MKLN1: variants seen among roughly 807,000 people sequenced by gnomAD.
The protein encoded by MKLN1 is muskelin.
MKLN1 carries 18 observed loss-of-function variants against 99.0 expected under a neutral mutation model. The ratio of observed to expected loss-of-function variants is 0.18; its 90% CI spans 0.13 to 0.27. The LOEUF is 0.27. Ranked by LOEUF, MKLN1 falls within the 10% of genes least tolerant of loss-of-function variation. The pLI, the probability that MKLN1 is intolerant of heterozygous loss-of-function variation, is 1.00. For synonymous variants in MKLN1, 288 were observed against 293.2 expected, an observed-to-expected ratio of 0.98 and a Z score of 0.18; for missense variants, 621 against 875.9, an observed-to-expected ratio of 0.71 and a Z score of 3.67.
chr7:131,356,013 T>C (rs1799866726), intron 1 of MKLN1, among the ~76,000 whole-genome samples: 1 of 151,868 alleles, frequency 6.6e-6, no homozygotes, highest in Non-Finnish European at 1.5e-5. Flanking sequence ...TACTAAAATA[T>C]CGAGCATGTA....
intron 1 of MKLN1, among the ~76,000 whole-genome samples, chr7:131,359,273 T>A (rs546086065): frequency 6.6e-6 from 1 of 152,362 alleles, no homozygotes; most frequent in East Asian, 1.9e-4. Context: ...GACCCATGTA[T>A]CATTTGGAAG....
Position 131,487,563 on chromosome 7 carries a change from A to G in MKLN1, c.2087-44A>G. ...TGGTCTCAACTAGTTTTTCTGTTAC[A>G]TGTTTTAAACACAATGGATGTTTCT... On this transcript the variant is annotated intron_variant, in intron 17 of 17. Transcript: ENST00000352689. The surrounding 1 kb of genome is among the most constrained non-coding windows in gnomAD (Gnocchi z 4.7). 1.9e-6 allele frequency: 3 copies of G among 1,585,232 alleles called. No individual in the cohort carries two copies. In the African/African-American group the frequency reaches 4.1e-5, roughly 22 times the overall value.
chr7:131,111,064 C>G (rs1795189318), intron 1 of MKLN1, among the ~76,000 whole-genome samples: 1 of 152,040 alleles, frequency 6.6e-6, no homozygotes, highest in African/African-American at 2.4e-5. Flanking sequence ...CTCCAGACAA[C>G]TTTTTAATTA....
intron 3 of MKLN1, among the ~76,000 whole-genome samples, chr7:131,285,870 T>C (rs920113552): frequency 6.6e-6 from 1 of 152,204 alleles, no homozygotes; most frequent in Non-Finnish European, 1.5e-5. Flanking sequence ...ATTTTGCTCT[T>C]ATAAAAACCA....
chr7:131,416,673 T>G (rs1795025364), intron 8 of MKLN1, among the ~76,000 whole-genome samples: 1 of 152,016 alleles, frequency 6.6e-6, no homozygotes, highest in African/African-American at 2.4e-5. Context: ...TCCTTACCCC[T>G]ACTCCCTTTA....
chr7:131,215,668 T>C (rs1796969939), intron 3 of MKLN1, among the ~76,000 whole-genome samples: 1 of 152,210 alleles, frequency 6.6e-6, no homozygotes, highest in African/African-American at 2.4e-5. Flanking sequence ...TTTCAGATAG[T>C]CTGTATGATA....
chr7:131,439,865 AACACACACACACACACACACAC>A (rs57399724), intron 10 of MKLN1, among the ~76,000 whole-genome samples: 2,821 of 146,288 alleles, frequency 0.019, 78 homozygotes, highest in African/African-American at 0.063. Flanking sequence ...AAAAGATTTA[AACACACACACACACACACACAC>A]ACACACACAC....
chr7:131,217,555 AG>A (rs1797001391), intron 3 of MKLN1, among the ~76,000 whole-genome samples: 1 of 152,030 alleles, frequency 6.6e-6, no homozygotes, highest in Non-Finnish European at 1.5e-5. Flanking sequence ...AAAATTAACC[AG>A]GTGTGGTTGT....
At chr7:131,425,031 C>T (rs888676521) in intron 8 of MKLN1, among the ~76,000 whole-genome samples, 6 of 152,190 alleles carry the variant, frequency 3.9e-5, no homozygotes, top group African/African-American at 7.2e-5. Context: ...ATTTATTCAT[C>T]ACACAGTTTA....
At chr7:131,380,354 C>T (rs1793807210) in intron 2 of MKLN1, among the ~76,000 whole-genome samples, 1 of 151,910 alleles carries the variant, frequency 6.6e-6, no homozygotes, top group Non-Finnish European at 1.5e-5. Flanking sequence ...AATAAGTGCC[C>T]TTGCTATGTG....
In MKLN1 at chr7:131,495,950, T is replaced by C. The variant is rs1026939670; in HGVS notation, c.*8222T>C. 2 of 152,168 alleles carry C rather than the reference T, an allele frequency of 1.3e-5. No individual in the cohort carries two copies. Among genetic ancestry groups the C allele is most frequent in the African/African-American group, 4.8e-5 (2 of 41,440 alleles). The allele number at this position is 152,168 out of a possible 1,614,324, so 9.4% of individuals were successfully genotyped here. ...CTTTTTAATATGGCCATAATTAAAC[T>C]CACACTCAAAAAGGATGAGCTATTG... On this transcript the variant is annotated 3_prime_UTR_variant, in exon 18 of 18. Transcript: ENST00000352689.
chr7:131,361,590 GCTTT>G (rs1800029680), intron 1 of MKLN1, among the ~76,000 whole-genome samples: 2 of 149,032 alleles, frequency 1.3e-5, no homozygotes, highest in Non-Finnish European at 3.0e-5. Context: ...CTTTTTTCTG[GCTTT>G]CTTTTTTTTT....
chr7:131,388,868 TA>T lies in MKLN1; in HGVS notation c.312-15del, dbSNP rs778116029. 19 of 1,571,392 alleles carry T rather than the reference TA, an allele frequency of 1.2e-5. No individual in the cohort carries two copies. The Admixed American group carries it at 3.3e-4, about 27-fold the overall frequency. ...ATTATGAAGTCAGATTTAATAGCCTTATTTTTTTCCCACAGTGGCTTAAAGA... is the reference window on the plus strand; with the variant it reads ...ATTATGAAGTCAGATTTAATAGCCTTTTTTTTTCCCACAGTGGCTTAAAGA... On this transcript the variant is annotated splice_polypyrimidine_tract_variant and intron_variant, in intron 3 of 17. Coordinates refer to ENST00000352689, the MANE Select transcript of MKLN1 (RefSeq NM_013255.5).
chr7:131,386,649 C>G (rs1794036222), intron 2 of MKLN1, among the ~76,000 whole-genome samples: 2 of 152,102 alleles, frequency 1.3e-5, no homozygotes, highest in Non-Finnish European at 1.5e-5. Flanking sequence ...ATTTGGGTTT[C>G]AAATTTGTAA....
intron 1 of MKLN1, among the ~76,000 whole-genome samples, chr7:131,334,951 T>C (rs1456782466): frequency 6.6e-6 from 1 of 152,190 alleles, no homozygotes. Flanking sequence ...ATAGAAAATT[T>C]ATAAAATTTC....
At chr7:131,426,603 A>G (rs1473110583) in intron 8 of MKLN1, among the ~76,000 whole-genome samples, 5 of 152,198 alleles carry the variant, frequency 3.3e-5, no homozygotes, top group African/African-American at 1.2e-4. Flanking sequence ...ACACTTATAC[A>G]GTGCCAAAAG....
At chr7:131,214,173 C>T (rs961912029) in intron 3 of MKLN1, among the ~76,000 whole-genome samples, 1 of 152,200 alleles carries the variant, frequency 6.6e-6, no homozygotes, top group Non-Finnish European at 1.5e-5. Context: ...CAGGCATGAG[C>T]CACTGAGCCC....
chr7:131,160,041 A>T (rs933629093), intron 2 of MKLN1, among the ~76,000 whole-genome samples: 6 of 150,528 alleles, frequency 4.0e-5, no homozygotes, highest in African/African-American at 1.5e-4. Context: ...TCATCCTAGA[A>T]AAAAAAAACT....
intron 17 of MKLN1, among the ~76,000 whole-genome samples, chr7:131,484,416 A>C (rs1162380946): frequency 6.6e-6 from 1 of 152,204 alleles, no homozygotes; most frequent in Non-Finnish European, 1.5e-5. Flanking sequence ...AGGTAGATGA[A>C]GAACAAAAAT....
Sources: allele counts gnomAD v4.1 joint callset (sites outside exome capture counted in the v4.1 genomes callset), GRCh38; gene constraint gnomAD v4.1.1; non-coding constraint Gnocchi (gnomAD v3.1); transcripts MANE v1.5; gene names NCBI Gene and HGNC (gene_info 2026-07-23, HGNC 2026-07-21).